RBM27: variants seen among roughly 807,000 people sequenced by gnomAD.
RBM27 encodes the protein RNA binding motif protein 27, also known as RNA-binding protein 27.
RBM27 carries 22 observed loss-of-function variants against 135.3 expected under a neutral mutation model. The ratio of observed to expected loss-of-function variants is 0.16; its 90% CI spans 0.12 to 0.23. The LOEUF (loss-of-function observed/expected upper bound fraction) is 0.23, where lower values mean the gene tolerates loss of function less well. Ranked by LOEUF, RBM27 falls within the 10% of genes least tolerant of loss-of-function variation. The pLI is 1.00. For missense variants in RBM27, 1,009 were observed against 1,281.0 expected (o/e 0.79, Z 3.24); for synonymous variants, 481 against 442.4 (o/e 1.09, Z -1.10).
intron 2 of RBM27, among the ~76,000 whole-genome samples, chr5:146,222,610 G>A (rs1756504792): frequency 6.6e-6 from 1 of 152,228 alleles, no homozygotes; most frequent in Non-Finnish European, 1.5e-5. Flanking sequence ...CTTGAACCCA[G>A]GAGGTGGAGG....
At chr5:146,204,998 A>G (rs1272187255) in intron 1 of RBM27, among the ~76,000 whole-genome samples, 1 of 152,172 alleles carries the variant, frequency 6.6e-6, no homozygotes, top group Non-Finnish European at 1.5e-5. Context: ...CCCGGGTTCA[A>G]GCGATTCTCC....
chr5:146,208,061 A>G (rs1755778454), intron 1 of RBM27, among the ~76,000 whole-genome samples: 1 of 149,466 alleles, frequency 6.7e-6, no homozygotes, highest in Non-Finnish European at 1.5e-5. Flanking sequence ...GGTTCAAGCA[A>G]TTCTCCTGCC....
intron 9 of RBM27, among the ~76,000 whole-genome samples, chr5:146,253,563 A>G (rs1314232888): frequency 6.6e-6 from 1 of 152,010 alleles, no homozygotes; most frequent in African/African-American, 2.4e-5. Flanking sequence ...AACCTGAAAA[A>G]AGGGGAAAAA....
chr5:146,225,516 T>C (rs1280439467), intron 3 of RBM27, among the ~76,000 whole-genome samples: 1 of 152,122 alleles, frequency 6.6e-6, no homozygotes, highest in African/African-American at 2.4e-5. Flanking sequence ...TTGTTGAATG[T>C]GTCTTAAAGT....
intron 9 of RBM27, 61 bp from the exon 10 acceptor site, chr5:146,254,882 T>C (rs1581205601): frequency 7.5e-7 from 1 of 1,334,868 alleles, no homozygotes; most frequent in Non-Finnish European, 1.0e-6. Flanking sequence ...TTTATAACAA[T>C]GAGAGATGGT....
At chr5:146,211,814 T>C (rs1755971756) in intron 1 of RBM27, among the ~76,000 whole-genome samples, 1 of 152,126 alleles carries the variant, frequency 6.6e-6, no homozygotes, top group Non-Finnish European at 1.5e-5. Flanking sequence ...GAGTCAGACT[T>C]TTTTTAAAAT....
intron 1 of RBM27, among the ~76,000 whole-genome samples, chr5:146,210,415 C>T (rs2963932): frequency 0.99 from 150,934 of 152,270 alleles, 74,825 homozygotes; most frequent in East Asian, 1. Flanking sequence ...CCACATGATA[C>T]TCATTCATGA....
intron 1 of RBM27, among the ~76,000 whole-genome samples, chr5:146,213,055 T>C (rs1453266163): frequency 1.3e-5 from 2 of 152,176 alleles, no homozygotes; most frequent in Non-Finnish European, 2.9e-5. Context: ...ATTTCCTTCG[T>C]CTAGTTTATC....
intron 14 of RBM27, among the ~76,000 whole-genome samples, chr5:146,264,105 C>CAAA (rs377296275): frequency 2.4e-5 from 3 of 122,840 alleles, no homozygotes; most frequent in Non-Finnish European, 5.3e-5. Flanking sequence ...GACCCTGTGT[C>CAAA]AAAAAAAAAA....
At chr5:146,237,524 TTTCTG>T (rs764940694) in intron 8 of RBM27, 92 bp downstream of exon 8, 76 of 1,376,634 alleles carry the variant, frequency 5.5e-5, no homozygotes, top group Non-Finnish European at 7.4e-5. Flanking sequence ...TGGTAAATAG[TTTCTG>T]TTCTTATGGA....
At chr5:146,279,127 TAA>T (rs1192267674) in intron 19 of RBM27, among the ~76,000 whole-genome samples, 1 of 152,120 alleles carries the variant, frequency 6.6e-6, no homozygotes, top group Non-Finnish European at 1.5e-5. Context: ...ACAAATATGT[TAA>T]GAGATTAATC....
intron 17 of RBM27, among the ~76,000 whole-genome samples, 158 bp downstream of exon 17, chr5:146,269,742 C>CTTTTTT (rs34783557): frequency 8.4e-6 from 1 of 118,934 alleles, no homozygotes; most frequent in African/African-American, 3.3e-5. Flanking sequence ...ATTATAGTAC[C>CTTTTTT]TTTTTTTTTT....
chr5:146,258,441 TCCAACAGC>T lies in RBM27; in HGVS notation c.1595-7_1595del. The stretch of plus-strand genomic sequence containing the variant: ...AAACTCAGTAATTTCAATTTTTTTT[TCCAACAGC>T]TGCTAACATTGTGATCCAGACTGAA... On this transcript the variant is annotated splice_acceptor_variant and splice_polypyrimidine_tract_variant and coding_sequence_variant and intron_variant, in exon 11 of 21. Coordinates refer to ENST00000265271, the MANE Select transcript of RBM27 (RefSeq NM_018989.2). LOFTEE classifies it high-confidence loss of function. 2 of 1,533,774 alleles carry T rather than the reference TCCAACAGC, an allele frequency of 1.3e-6. No individual in the cohort carries two copies. Among genetic ancestry groups the T allele is most frequent in the Non-Finnish European group, 8.8e-7 (1 of 1,142,642 alleles).
Position 146,274,695 on chromosome 5 carries a change from C to A in RBM27, c.2988+3021C>A, listed in dbSNP as rs113492407. Among the ~76,000 whole-genome samples, 820 of 152,016 alleles carry A rather than the reference C, an allele frequency of 5.4e-3. 4 individuals are homozygous for A. The highest frequency in any genetic ancestry group is 0.019 in the African/African-American group (781 of 41,440). ...ATTGATTGATCTCGATCTTTTTGGTCCCAGGTACTTATATGAAAGGTATAT... is the reference window on the plus strand; with the variant it reads ...ATTGATTGATCTCGATCTTTTTGGTACCAGGTACTTATATGAAAGGTATAT... On this transcript the variant is annotated intron_variant, in intron 19 of 20. Coordinates refer to ENST00000265271, the MANE Select transcript of RBM27 (RefSeq NM_018989.2).
At chr5:146,212,488 A>G (rs1756009117) in intron 1 of RBM27, among the ~76,000 whole-genome samples, 1 of 152,148 alleles carries the variant, frequency 6.6e-6, no homozygotes, top group East Asian at 1.9e-4. Flanking sequence ...AGCTGGGACT[A>G]TAGGTGCATG....
At chr5:146,260,515 C>T (rs553144035) in intron 11 of RBM27, among the ~76,000 whole-genome samples, 22 of 152,096 alleles carry the variant, frequency 1.4e-4, no homozygotes, top group African/African-American at 4.1e-4. Context: ...TGAGCTACTT[C>T]GCTCAGCCTG....
rs1757052134 is a variant in RBM27 at position 146,233,847 on chromosome 5, A to G, written c.1144+104A>G. 4 of 773,050 alleles carry G rather than the reference A, an allele frequency of 5.2e-6. No individual in the cohort carries two copies. The East Asian group carries it at 9.5e-5, about 18-fold the overall frequency. The allele number at this position is 773,050 out of a possible 1,614,324, so 47.9% of individuals were successfully genotyped here. Reference sequence around the variant, plus strand: ...TTTAAAGTGTTTGAGAAATAGAGTAATAATATAATTTGGAATATATTCCCA... The same window carrying G: ...TTTAAAGTGTTTGAGAAATAGAGTAGTAATATAATTTGGAATATATTCCCA... On this transcript the variant is annotated intron_variant, in intron 7 of 20. Coordinates refer to ENST00000265271, the MANE Select transcript of RBM27 (RefSeq NM_018989.2).
At chr5:146,275,852 G>C (rs1257801374) in intron 19 of RBM27, among the ~76,000 whole-genome samples, 1 of 152,170 alleles carries the variant, frequency 6.6e-6, no homozygotes, top group Non-Finnish European at 1.5e-5. Flanking sequence ...TTTTCAAGTA[G>C]TGTGGCTCAT....
intron 1 of RBM27, among the ~76,000 whole-genome samples, chr5:146,207,899 C>G (rs928345490): frequency 1.3e-5 from 2 of 149,810 alleles, no homozygotes; most frequent in Admixed American, 6.7e-5. Flanking sequence ...AGGTGATCCG[C>G]CTCCCAAAGT....
Sources: gnomAD v4.1 joint callset for allele counts (sites outside exome capture counted in the v4.1 genomes callset) on GRCh38, gnomAD v4.1.1 for gene constraint, MANE v1.5 for transcripts, NCBI Gene and HGNC (gene_info 2026-07-23, HGNC 2026-07-21) for gene names.